LRRTM4: variants seen among roughly 807,000 people sequenced by gnomAD.
LRRTM4 encodes leucine rich repeat transmembrane neuronal 4, also known as leucine-rich repeat transmembrane neuronal protein 4.
A neutral mutation model predicts 47.6 loss-of-function variants in LRRTM4; 25 were observed. That is an observed-to-expected ratio of 0.53 (90% CI 0.38 to 0.73). The LOEUF is 0.73. Ranked by LOEUF, LRRTM4 falls within the 30% of genes least tolerant of loss-of-function variation. The pLI is 0.00. For synonymous variants in LRRTM4, 311 were observed against 269.5 expected (o/e 1.15, Z -1.51); for missense variants, 638 against 713.4 (o/e 0.89, Z 1.20).
At chr2:77,044,753 CATAT>C (rs1169211392) in intron 3 of LRRTM4, among the ~76,000 whole-genome samples, 1 of 151,266 alleles carries the variant, frequency 6.6e-6, no homozygotes, top group Non-Finnish European at 1.5e-5. Context: ...TATAGACAGA[CATAT>C]ATAAATATCT....
intron 3 of LRRTM4, among the ~76,000 whole-genome samples, chr2:77,051,745 A>T (rs1573503495): frequency 2.6e-5 from 4 of 152,316 alleles, no homozygotes; most frequent in African/African-American, 9.6e-5. Flanking sequence ...AACTATTTAC[A>T]TAAAGACAAA....
intron 3 of LRRTM4, among the ~76,000 whole-genome samples, chr2:76,775,147 C>T (rs928306953): frequency 4.6e-5 from 7 of 152,144 alleles, no homozygotes; most frequent in African/African-American, 1.7e-4. Context: ...AATTCATTCA[C>T]AACATTTAGA....
intron 3 of LRRTM4, 87 bp from the exon 4 acceptor site, chr2:76,749,003 C>CGA (rs1672753539): frequency 9.5e-7 from 1 of 1,056,164 alleles, no homozygotes; most frequent in Non-Finnish European, 1.4e-6. Context: ...TTTTTGTTCT[C>CGA]TTTCATGCTG....
intron 3 of LRRTM4, among the ~76,000 whole-genome samples, chr2:76,863,726 T>C (rs1475501885): frequency 6.6e-6 from 1 of 152,192 alleles, no homozygotes; most frequent in Non-Finnish European, 1.5e-5. Flanking sequence ...CACACCTCCA[T>C]ATTAATAGAA....
chr2:76,877,485 G>C (rs1672811003), intron 3 of LRRTM4, among the ~76,000 whole-genome samples: 1 of 151,774 alleles, frequency 6.6e-6, no homozygotes, highest in African/African-American at 2.4e-5. Context: ...CTAGGGTGAA[G>C]TATAAAATAA....
chr2:76,771,488 C>A (rs1215140830), intron 3 of LRRTM4, among the ~76,000 whole-genome samples: 1 of 152,042 alleles, frequency 6.6e-6, no homozygotes, highest in Non-Finnish European at 1.5e-5. Context: ...CCAGGAGGAA[C>A]CCCTTTAACC....
In LRRTM4 at chr2:77,138,507, C is replaced by G. The variant is rs540757693; in HGVS notation, c.1551+379811G>C. 2.6e-5 allele frequency among the ~76,000 whole-genome samples: 4 copies of G among 152,112 alleles called. No homozygotes were observed. In the South Asian group the frequency reaches 8.3e-4, roughly 32 times the overall value. ...GGAAATTTATAGCACCAAATGCCCA[C>G]AAGAAAAAGCAGGAAACATCTAAAA... On this transcript the variant is annotated intron_variant, in intron 3 of 3. Transcript: ENST00000409884.
intron 3 of LRRTM4, among the ~76,000 whole-genome samples, chr2:76,928,645 T>C (rs965202826): frequency 2.6e-5 from 4 of 152,144 alleles, no homozygotes; most frequent in African/African-American, 9.7e-5. Context: ...GGAAACCAAC[T>C]CACCTTCTTT....
chr2:77,093,053 T>G (rs1351164034), intron 3 of LRRTM4, among the ~76,000 whole-genome samples: 1 of 146,024 alleles, frequency 6.8e-6, no homozygotes, highest in African/African-American at 2.8e-5. Context: ...GGCCCCAGTC[T>G]CATTCCAGAC....
chr2:77,144,412 G>T (rs1421614497), intron 3 of LRRTM4, among the ~76,000 whole-genome samples: 1 of 151,626 alleles, frequency 6.6e-6, no homozygotes, highest in African/African-American at 2.4e-5. Context: ...CAAGGCTGCT[G>T]CATGGGGTCA....
At chr2:76,889,077 A>G (rs1048188923) in intron 3 of LRRTM4, among the ~76,000 whole-genome samples, 1 of 151,512 alleles carries the variant, frequency 6.6e-6, no homozygotes, top group Non-Finnish European at 1.5e-5. Context: ...AAATCTTATC[A>G]AAATTGAGTT....
At chr2:76,770,525 T>A (rs1673651706) in intron 3 of LRRTM4, among the ~76,000 whole-genome samples, 1 of 152,202 alleles carries the variant, frequency 6.6e-6, no homozygotes, top group South Asian at 2.1e-4. Flanking sequence ...ATCAAATATG[T>A]GTTCTCTATT....
chr2:77,124,860 C>T (rs570308325), intron 3 of LRRTM4, among the ~76,000 whole-genome samples: 44 of 152,154 alleles, frequency 2.9e-4, no homozygotes, highest in African/African-American at 1.0e-3. Flanking sequence ...GCTGACTTTT[C>T]AAAACCGTGT....
chr2:77,343,995 G>A (rs565078310), intron 3 of LRRTM4, among the ~76,000 whole-genome samples: 1 of 151,804 alleles, frequency 6.6e-6, no homozygotes, highest in Non-Finnish European at 1.5e-5. Flanking sequence ...GGATACGATG[G>A]CTTTAAAGAG....
intron 3 of LRRTM4, among the ~76,000 whole-genome samples, chr2:77,485,464 A>G (rs1305959367): frequency 1.3e-5 from 2 of 152,212 alleles, no homozygotes; most frequent in Non-Finnish European, 2.9e-5. Context: ...ATATTTTTAT[A>G]TAGTTGTGGA....
Position 77,395,394 on chromosome 2 carries a change from G to T in LRRTM4, c.1551+122924C>A, listed in dbSNP as rs538258217. On this transcript the variant is annotated intron_variant, in intron 3 of 3. Coordinates refer to ENST00000409884, the MANE Select transcript of LRRTM4 (RefSeq NM_001134745.3). Reference sequence around the variant, plus strand: ...AATTAATGAGGTAGGTATTAATGTAGCCTGAGATTTAAGATATCTACTTTC... The same window carrying T: ...AATTAATGAGGTAGGTATTAATGTATCCTGAGATTTAAGATATCTACTTTC... Among the ~76,000 whole-genome samples the T allele has an allele frequency of 2.4e-4, 37 of 152,046 alleles. 1 individual carries two copies. Among genetic ancestry groups the T allele is most frequent in the African/African-American group, 7.9e-4 (33 of 41,510 alleles).
intron 3 of LRRTM4, among the ~76,000 whole-genome samples, chr2:77,389,263 A>G (rs1398765898): frequency 6.6e-6 from 1 of 152,076 alleles, no homozygotes; most frequent in East Asian, 1.9e-4. Context: ...TAGATAATTA[A>G]AAGGGCTGAA....
In LRRTM4 at chr2:76,903,594, G is replaced by T. The variant is rs140712496; in HGVS notation, c.1552-154678C>A. Among the ~76,000 whole-genome samples the T allele has an allele frequency of 3.3e-3, 495 of 152,090 alleles. 11 individuals are homozygous for T. Among genetic ancestry groups the T allele is most frequent in the Non-Finnish European group, 9.9e-4 (67 of 67,972 alleles). On this transcript the variant is annotated intron_variant, in intron 3 of 3. Transcript: ENST00000409884. ...AAACAACAACAACAAAACTACAAAA[G>T]CTTATTTTATCTAATCTTGATGGTG...
At chr2:77,422,022 G>T (rs557868704) in intron 3 of LRRTM4, among the ~76,000 whole-genome samples, 1 of 152,130 alleles carries the variant, frequency 6.6e-6, no homozygotes, top group South Asian at 2.1e-4. Flanking sequence ...TGCTGGGCAG[G>T]TTTGTAACCT....
Sources: gnomAD v4.1 joint callset for allele counts (sites outside exome capture counted in the v4.1 genomes callset) on GRCh38, gnomAD v4.1.1 for gene constraint, MANE v1.5 for transcripts, NCBI Gene and HGNC (gene_info 2026-07-23, HGNC 2026-07-21) for gene names.